Variants in JMJD1C observed in about 807,000 individuals in gnomAD.
The protein encoded by JMJD1C is jumonji domain-containing protein 1C.
In JMJD1C, 31 loss-of-function variants were observed where a neutral mutation model predicts 245.3. The ratio of observed to expected loss-of-function variants is 0.13; its 90% CI spans 0.09 to 0.17. The LOEUF is 0.17. Among genes scored for constraint, JMJD1C ranks in the 10% least tolerant of loss-of-function variants. The probability of loss-of-function intolerance (pLI) is 1.00; values close to 1 mark genes in which losing one functional copy is unlikely to be tolerated. For missense variants in JMJD1C, 2,691 were observed against 3,000.2 expected (o/e 0.90, Z 2.41); for synonymous variants, 1,057 against 1,017.4 (o/e 1.04, Z -0.74).
chr10:63,394,801 G>A (rs541752932), intron 1 of JMJD1C, among the ~76,000 whole-genome samples: 12 of 148,788 alleles, frequency 8.1e-5, no homozygotes, highest in Non-Finnish European at 1.8e-4. Context: ...CGGAGATCAC[G>A]CCATTGCACT....
intron 22 of JMJD1C, among the ~76,000 whole-genome samples, chr10:63,178,899 T>C (rs76032436): frequency 0.035 from 5,337 of 152,312 alleles, 292 homozygotes; most frequent in East Asian, 0.26. Flanking sequence ...TTTTTAAAAA[T>C]TTTGTATAAA....
At chr10:63,492,785 C>G (rs1171466564) in intron 1 of JMJD1C, among the ~76,000 whole-genome samples, 1 of 152,058 alleles carries the variant, frequency 6.6e-6, no homozygotes, top group Non-Finnish European at 1.5e-5. Context: ...ACAAATTACA[C>G]TTTTTAATAT....
chr10:63,357,862 CACACAG>C (rs1944991983), intron 2 of JMJD1C, among the ~76,000 whole-genome samples: 2 of 138,816 alleles, frequency 1.4e-5, no homozygotes, highest in South Asian at 2.3e-4. Flanking sequence ...CACACACACA[CACACAG>C]AGACAAACTC....
intron 3 of JMJD1C, among the ~76,000 whole-genome samples, chr10:63,235,865 A>G (rs1850669242): frequency 6.6e-6 from 1 of 152,212 alleles, no homozygotes; most frequent in Non-Finnish European, 1.5e-5. Context: ...ACTTACCTAC[A>G]TTATTAGGAA....
At chr10:63,416,286 G>A (rs532481313) in intron 1 of JMJD1C, among the ~76,000 whole-genome samples, 6 of 149,504 alleles carry the variant, frequency 4.0e-5, no homozygotes, top group South Asian at 2.1e-4. Context: ...CTACATAGCC[G>A]AAGACATTTT....
chr10:63,235,949 C>T lies in JMJD1C; in HGVS notation c.448-15966G>A, dbSNP rs137998457. On this transcript the variant is annotated intron_variant, in intron 3 of 25. Coordinates refer to ENST00000399262, the MANE Select transcript of JMJD1C (RefSeq NM_032776.3). Reference sequence around the variant, plus strand: ...TGTTATTTTTAAAAACAGAAAATGACGTAGCTAAATTAAAACCAGGTTAGA... The same window carrying T: ...TGTTATTTTTAAAAACAGAAAATGATGTAGCTAAATTAAAACCAGGTTAGA... 3.3e-4 allele frequency among the ~76,000 whole-genome samples: 50 copies of T among 152,096 alleles called. No homozygotes were observed. In the East Asian group the frequency reaches 8.3e-3, roughly 25 times the overall value.
intron 1 of JMJD1C, among the ~76,000 whole-genome samples, chr10:63,390,740 GAC>G (rs1947987382): frequency 6.6e-6 from 1 of 151,984 alleles, no homozygotes; most frequent in Non-Finnish European, 1.5e-5. Flanking sequence ...TATGTAAATC[GAC>G]AGTCATGAAT....
At chr10:63,195,660 G>A (rs1845375529) in intron 13 of JMJD1C, among the ~76,000 whole-genome samples, 1 of 152,194 alleles carries the variant, frequency 6.6e-6, no homozygotes, top group East Asian at 1.9e-4. Flanking sequence ...TGATACAGTG[G>A]CCAGGCATGG....
chr10:63,211,406 C>T (rs957510985), intron 8 of JMJD1C, among the ~76,000 whole-genome samples: 7 of 148,454 alleles, frequency 4.7e-5, no homozygotes, highest in Non-Finnish European at 8.9e-5. Flanking sequence ...GCAGAGGTTG[C>T]AGTGAGCCAA....
At chr10:63,480,602 T>C (rs1284803988) in intron 1 of JMJD1C, among the ~76,000 whole-genome samples, 1 of 148,002 alleles carries the variant, frequency 6.8e-6, no homozygotes, top group African/African-American at 2.5e-5. Context: ...CTTCAGTGGA[T>C]GTTATTGACA....
intron 2 of JMJD1C, among the ~76,000 whole-genome samples, chr10:63,288,908 A>G (rs1564738914): frequency 7.4e-6 from 1 of 135,258 alleles, no homozygotes; most frequent in African/African-American, 3.1e-5. Context: ...TAATAATAAT[A>G]ATAATAATAA....
intron 3 of JMJD1C, among the ~76,000 whole-genome samples, chr10:63,244,821 G>T (rs1355507444): frequency 6.9e-6 from 1 of 145,666 alleles, no homozygotes; most frequent in Non-Finnish European, 1.5e-5. Flanking sequence ...AAAAAAAGGG[G>T]GGGGGAGGGG....
intron 2 of JMJD1C, among the ~76,000 whole-genome samples, chr10:63,339,923 C>T (rs1173122441): frequency 6.6e-6 from 1 of 152,114 alleles, no homozygotes; most frequent in Non-Finnish European, 1.5e-5. Context: ...TACAGGCATG[C>T]ACCTGTAGTC....
intron 2 of JMJD1C, among the ~76,000 whole-genome samples, chr10:63,278,175 T>G (rs1035473354): frequency 6.6e-6 from 1 of 151,946 alleles, no homozygotes; most frequent in African/African-American, 2.4e-5. Context: ...ATTACATATC[T>G]GCAGTGGGTT....
At chr10:63,453,451 G>GA (rs2133036999) in intron 1 of JMJD1C, among the ~76,000 whole-genome samples, 1 of 152,146 alleles carries the variant, frequency 6.6e-6, no homozygotes, top group South Asian at 2.1e-4. Flanking sequence ...TGCGGTACAA[G>GA]AAACAGAAAG....
At chr10:63,434,119 T>C (rs780439678) in intron 1 of JMJD1C, among the ~76,000 whole-genome samples, 27 of 152,188 alleles carry the variant, frequency 1.8e-4, no homozygotes, top group Non-Finnish European at 3.5e-4. Context: ...GCCAGTATTT[T>C]GCAGCTTTGG....
rs1006812371 is a variant in JMJD1C at position 63,248,413 on chromosome 10, C to T, written c.447+16238G>A. On this transcript the variant is annotated intron_variant, in intron 3 of 25. Coordinates refer to ENST00000399262, the MANE Select transcript of JMJD1C (RefSeq NM_032776.3). Reference sequence around the variant, plus strand: ...GCAGGTGCCTGTAAACCCAGCTACCCCGGAAGCCGAGGCAGGAGAATCACT... The same window carrying T: ...GCAGGTGCCTGTAAACCCAGCTACCTCGGAAGCCGAGGCAGGAGAATCACT... Among the ~76,000 whole-genome samples the T allele has an allele frequency of 1.1e-3, 161 of 151,838 alleles. 1 individual carries two copies. Among genetic ancestry groups the T allele is most frequent in the Non-Finnish European group, 1.1e-3 (76 of 67,970 alleles).
At chr10:63,370,171 T>C (rs1367297045) in intron 2 of JMJD1C, among the ~76,000 whole-genome samples, 2 of 152,206 alleles carry the variant, frequency 1.3e-5, no homozygotes, top group African/African-American at 4.8e-5. Flanking sequence ...CCTGGCTGAT[T>C]TTAATTCGTA....
chr10:63,478,809 A>C (rs554855967), intron 1 of JMJD1C, among the ~76,000 whole-genome samples: 1 of 152,286 alleles, frequency 6.6e-6, no homozygotes, highest in South Asian at 2.1e-4. Flanking sequence ...CAGACCCCCC[A>C]GAGGTCAAGC....
Sources: gnomAD v4.1 joint callset for allele counts (sites outside exome capture counted in the v4.1 genomes callset) on GRCh38, gnomAD v4.1.1 for gene constraint, MANE v1.5 for transcripts, NCBI Gene and HGNC (gene_info 2026-07-23, HGNC 2026-07-21) for gene names.